The following TMCO4 variants were observed in gnomAD, a reference collection of about 807,000 sequenced individuals.
TMCO4 encodes the protein transmembrane and coiled-coil domains 4.
Under a neutral mutation model 64.7 loss-of-function variants are expected in TMCO4, and 58 were observed. The observed-to-expected ratio is 0.90, with a 90% CI of 0.73 to 1.12. TMCO4 has a LOEUF of 1.12. Among genes scored for constraint, TMCO4 ranks in the 50% most tolerant of loss-of-function variants. The pLI is 0.00. For missense variants in TMCO4, 780 were observed against 825.9 expected (o/e 0.94, Z 0.68); for synonymous variants, 325 against 346.1 (o/e 0.94, Z 0.68).
At chr1:19,709,725 TG>T (rs1412977323) in intron 13 of TMCO4, among the ~76,000 whole-genome samples, 2 of 151,136 alleles carry the variant, frequency 1.3e-5, no homozygotes, top group African/African-American at 2.4e-5. Flanking sequence ...TGTTTCTGTT[TG>T]TTTTTTTTTT....
Position 19,727,643 on chromosome 1 carries a change from G to T in TMCO4, c.1264+9729C>A, listed in dbSNP as rs527521972. Reference sequence around the variant, plus strand: ...TCCAACCAGGAGGGGCTGAAATATTGTAAGATAAAAATAGGAGCTCTGCTA... The same window carrying T: ...TCCAACCAGGAGGGGCTGAAATATTTTAAGATAAAAATAGGAGCTCTGCTA... On this transcript the variant is annotated intron_variant, in intron 13 of 15. Transcript: ENST00000294543. 3.3e-5 allele frequency among the ~76,000 whole-genome samples: 5 copies of T among 152,244 alleles called. No individual in the cohort carries two copies. In the East Asian group the frequency reaches 9.7e-4, roughly 29 times the overall value.
chr1:19,694,381 G>T, intron 15 of TMCO4, 53 bp downstream of exon 15: 2 of 1,516,556 alleles, frequency 1.3e-6, no homozygotes, highest in Non-Finnish European at 1.8e-6. Flanking sequence ...GGGTGGCTGG[G>T]CTGGAGCAAC....
chr1:19,689,038 G>T (rs945393675), intron 15 of TMCO4, among the ~76,000 whole-genome samples: 2 of 152,162 alleles, frequency 1.3e-5, no homozygotes, highest in African/African-American at 4.8e-5. Context: ...CGCCCTGCCT[G>T]CAACAGGGCC....
At chr1:19,765,938 A>G (rs929590708) in intron 6 of TMCO4, among the ~76,000 whole-genome samples, 2 of 152,204 alleles carry the variant, frequency 1.3e-5, no homozygotes, top group African/African-American at 4.8e-5. Context: ...CAATCTCTGT[A>G]GAAGGAAGAC....
intron 15 of TMCO4, among the ~76,000 whole-genome samples, chr1:19,694,149 G>C (rs935631924): frequency 6.6e-6 from 1 of 152,056 alleles, no homozygotes; most frequent in East Asian, 1.9e-4. Flanking sequence ...CTACAGGCAC[G>C]CACAACCATG....
intron 13 of TMCO4, among the ~76,000 whole-genome samples, chr1:19,716,381 C>CTTTTTTTTTTTTTTTT (rs1262772167): frequency 2.4e-5 from 3 of 124,474 alleles, no homozygotes; most frequent in Non-Finnish European, 5.0e-5. Flanking sequence ...TTTTTTCTTT[C>CTTTTTTTTTTTTTTTT]TTTTTTTTTT....
At chr1:19,769,332 G>T (rs528068129) in intron 6 of TMCO4, among the ~76,000 whole-genome samples, 1 of 152,234 alleles carries the variant, frequency 6.6e-6, no homozygotes, top group South Asian at 2.1e-4. Flanking sequence ...TCCTCTCTCT[G>T]CTCTCCTTGC....
intron 6 of TMCO4, among the ~76,000 whole-genome samples, chr1:19,765,683 C>T (rs2281245): frequency 0.18 from 26,876 of 151,786 alleles, 2,616 homozygotes; most frequent in East Asian, 0.35. Context: ...CAAAGCGCTT[C>T]GTGGGTTGCT....
At chr1:19,731,670 A>G (rs2095430658) in intron 13 of TMCO4, among the ~76,000 whole-genome samples, 1 of 152,140 alleles carries the variant, frequency 6.6e-6, no homozygotes, top group African/African-American at 2.4e-5. Context: ...GTGTGTGTGT[A>G]TTTTTGTGAT....
chr1:19,797,656 G>A (rs771429462), intron 2 of TMCO4, among the ~76,000 whole-genome samples: 6 of 152,066 alleles, frequency 3.9e-5, no homozygotes, highest in Non-Finnish European at 7.4e-5. Flanking sequence ...AGATCACGAG[G>A]TCAGGAGTTC....
intron 15 of TMCO4, among the ~76,000 whole-genome samples, chr1:19,688,923 C>T (rs1219699992): frequency 1.3e-5 from 2 of 152,304 alleles, no homozygotes; most frequent in East Asian, 1.9e-4. Context: ...CCCCAGAAGC[C>T]TCATGAGTTG....
chr1:19,744,076 G>C (rs941077881), intron 10 of TMCO4, among the ~76,000 whole-genome samples: 3 of 152,222 alleles, frequency 2.0e-5, no homozygotes, highest in African/African-American at 7.2e-5. Context: ...TGGTTTGGCA[G>C]ATCTGTGACT....
Position 19,710,947 on chromosome 1 carries a change from GA to G in TMCO4, c.1265-10063del, listed in dbSNP as rs369765770. Among the ~76,000 whole-genome samples, 551 of 152,322 alleles carry G rather than the reference GA, an allele frequency of 3.6e-3. 6 individuals carry two copies. Among genetic ancestry groups the G allele is most frequent in the African/African-American group, 0.013 (531 of 41,570 alleles). On this transcript the variant is annotated intron_variant, in intron 13 of 15. Transcript: ENST00000294543. ...GAGGTGGGTGAACAGATACTGCTAT[GA>G]AAAAGAACAGGGGCCATGTGAAACA...
chr1:19,711,640 C>T (rs1427793821), intron 13 of TMCO4, among the ~76,000 whole-genome samples: 1 of 151,894 alleles, frequency 6.6e-6, no homozygotes, highest in African/African-American at 2.4e-5. Context: ...AGACACACAC[C>T]ACCATGCTGG....
intron 4 of TMCO4, among the ~76,000 whole-genome samples, chr1:19,774,265 C>A: frequency 6.6e-6 from 1 of 152,262 alleles, no homozygotes; most frequent in Middle Eastern, 3.4e-3. Flanking sequence ...CTGCTGTCCA[C>A]GAAGAAAGTT....
chr1:19,743,119 T>G lies in TMCO4; in HGVS notation c.878-2178A>C, dbSNP rs540380502. On this transcript the variant is annotated intron_variant, in intron 10 of 15. Coordinates refer to ENST00000294543, the MANE Select transcript of TMCO4 (RefSeq NM_181719.7). The surrounding 1 kb of genome is among the most constrained non-coding windows in gnomAD (Gnocchi z 4.1). Reference sequence around the variant, plus strand: ...TGTAAAGTGCTCTACTGCATTGTGCTGTCCTATGGCCAAGAATATGGGCTG... The same window carrying G: ...TGTAAAGTGCTCTACTGCATTGTGCGGTCCTATGGCCAAGAATATGGGCTG... Among the ~76,000 whole-genome samples, 2 of 152,336 alleles carry G rather than the reference T, an allele frequency of 1.3e-5. No individual in the cohort carries two copies. Among genetic ancestry groups the G allele is most frequent in the Admixed American group, 6.5e-5 (1 of 15,294 alleles).
intron 6 of TMCO4, among the ~76,000 whole-genome samples, chr1:19,758,292 T>C (rs1366986221): frequency 6.6e-6 from 1 of 151,786 alleles, no homozygotes; most frequent in Non-Finnish European, 1.5e-5. Context: ...CACCACATGC[T>C]GTGGCTTGGG....
chr1:19,733,039 G>A (rs1006592157), intron 13 of TMCO4, among the ~76,000 whole-genome samples: 2 of 152,188 alleles, frequency 1.3e-5, no homozygotes, highest in African/African-American at 4.8e-5. Context: ...GCCGAGGTGG[G>A]TGGATCACTT....
At chr1:19,785,836 G>T (rs2043712241) in intron 3 of TMCO4, among the ~76,000 whole-genome samples, 1 of 152,180 alleles carries the variant, frequency 6.6e-6, no homozygotes. Context: ...TGAAGTGATG[G>T]GGTGAAGCAG....
Sources: allele counts gnomAD v4.1 joint callset (sites outside exome capture counted in the v4.1 genomes callset), GRCh38; gene constraint gnomAD v4.1.1; non-coding constraint Gnocchi (gnomAD v3.1); transcripts MANE v1.5; gene names NCBI Gene and HGNC (gene_info 2026-07-23, HGNC 2026-07-21).